SNCAIP: variants seen among roughly 807,000 people sequenced by gnomAD.
SNCAIP encodes synuclein alpha interacting protein.
In SNCAIP, 43 loss-of-function variants were observed where a neutral mutation model predicts 86.7. That is an observed-to-expected ratio of 0.50 (90% CI 0.39 to 0.64). The LOEUF is 0.64. Among genes scored for constraint, SNCAIP ranks in the 30% least tolerant of loss-of-function variants. The pLI, the probability that SNCAIP is intolerant of heterozygous loss-of-function variation, is 0.00. For missense variants in SNCAIP, 981 were observed against 1,103.1 expected, an observed-to-expected ratio of 0.89 and a Z score of 1.57; for synonymous variants, 417 against 427.2, an observed-to-expected ratio of 0.98 and a Z score of 0.29.
At chr5:122,347,075 C>G (rs1758755968) in intron 1 of SNCAIP, among the ~76,000 whole-genome samples, 1 of 151,946 alleles carries the variant, frequency 6.6e-6, no homozygotes, top group Admixed American at 6.6e-5. Context: ...TGTGAGTGAG[C>G]TAATCTTTAT....
In SNCAIP at chr5:122,413,648, ACTGT is replaced by A. The variant is rs375183003; in HGVS notation, c.131-9217_131-9214del. On this transcript the variant is annotated intron_variant, in intron 3 of 10. Transcript: ENST00000261368. ...CAATATATATTTGTTGAATGAATGA[ACTGT>A]CTAAGAGTACCATAGCATTCTGCCA... is the stretch of plus-strand genomic sequence containing the variant. 9.1e-3 allele frequency among the ~76,000 whole-genome samples: 1,380 copies of A among 152,234 alleles called. 24 individuals carry two copies. The highest frequency in any genetic ancestry group is 0.032 in the African/African-American group (1,311 of 41,538).
chr5:122,384,428 T>C (rs952930799), intron 1 of SNCAIP, among the ~76,000 whole-genome samples: 2 of 152,300 alleles, frequency 1.3e-5, no homozygotes, highest in Non-Finnish European at 1.5e-5. Flanking sequence ...TGCTTTACCT[T>C]GTCATTTTGG....
rs1483050531 is a variant in SNCAIP at position 122,399,266 on chromosome 5, C to T, written c.58-4527C>T. The stretch of plus-strand genomic sequence containing the variant: ...ACATTTACTAGAGCTTTACAGTTTG[C>T]AAAATGACTGCATCTATGTTATCTC... On this transcript the variant is annotated intron_variant, in intron 2 of 10. Coordinates refer to ENST00000261368, the MANE Select transcript of SNCAIP (RefSeq NM_005460.4). Among the ~76,000 whole-genome samples, 5 of 152,028 alleles carry T rather than the reference C, an allele frequency of 3.3e-5. No homozygotes were observed. In the East Asian group the frequency reaches 5.8e-4, roughly 18 times the overall value.
chr5:122,333,658 C>T (rs1332742070), intron 1 of SNCAIP, among the ~76,000 whole-genome samples: 2 of 152,212 alleles, frequency 1.3e-5, no homozygotes, highest in Admixed American at 6.5e-5. Context: ...ATCTTATATT[C>T]TGATTGTTCT....
intron 10 of SNCAIP, among the ~76,000 whole-genome samples, chr5:122,461,140 CT>C (rs1021841245): frequency 6.6e-6 from 1 of 152,162 alleles, no homozygotes; most frequent in African/African-American, 2.4e-5. Flanking sequence ...GTATAGGATT[CT>C]AGGTGGGAAA....
At chr5:122,384,466 A>G (rs1767664587) in intron 1 of SNCAIP, among the ~76,000 whole-genome samples, 1 of 152,174 alleles carries the variant, frequency 6.6e-6, no homozygotes, top group South Asian at 2.1e-4. Context: ...GAAAAATACT[A>G]GACTTAAAAT....
rs1234876161 is a variant in SNCAIP, at chr5:122,322,651, GT to G, written c.-47+10368del. ...ACTATGTTTTAGGAGGATGAATGAA[GT>G]CTAGAAAATGTTTTAAACAATTCCT... is the stretch of plus-strand genomic sequence containing the variant. On this transcript the variant is annotated intron_variant, in intron 1 of 10. Coordinates refer to ENST00000261368, the MANE Select transcript of SNCAIP (RefSeq NM_005460.4). 9.2e-5 allele frequency among the ~76,000 whole-genome samples: 14 copies of G among 152,326 alleles called. No homozygotes were observed. In the South Asian group the frequency reaches 1.7e-3, roughly 18 times the overall value.
At chr5:122,442,751 A>G (rs137865233) in intron 7 of SNCAIP, among the ~76,000 whole-genome samples, 13 of 152,332 alleles carry the variant, frequency 8.5e-5, no homozygotes, top group Non-Finnish European at 1.8e-4. Flanking sequence ...GTGAGATTTT[A>G]GTTATTTTTC....
In SNCAIP at chr5:122,388,155, A is replaced by G. The variant is rs567381761; in HGVS notation, c.-46-2934A>G. Among the ~76,000 whole-genome samples, 114 of 152,348 alleles carry G rather than the reference A, an allele frequency of 7.5e-4. 1 individual carries two copies. The Middle Eastern group carries it at 0.031, about 41-fold the overall frequency. On this transcript the variant is annotated intron_variant, in intron 1 of 10. Transcript: ENST00000261368. ...GGCTTAGCTCCAGCTAGTTGTTGCC[A>G]TGGGGACTGCAGACCCCTGTTGCCA...
At chr5:122,440,799 A>G (rs1322461039) in intron 7 of SNCAIP, 45 bp downstream of exon 7, 10 of 1,567,208 alleles carry the variant, frequency 6.4e-6, no homozygotes, top group Non-Finnish European at 8.8e-6. Flanking sequence ...AGTATATCAA[A>G]TATTAAACAA....
At chr5:122,422,239 C>T (rs1388995087) in intron 3 of SNCAIP, among the ~76,000 whole-genome samples, 1 of 152,128 alleles carries the variant, frequency 6.6e-6, no homozygotes. Context: ...GGGGTTAACT[C>T]AACTATGTCT....
At chr5:122,415,881 G>A (rs1432129949) in intron 3 of SNCAIP, among the ~76,000 whole-genome samples, 1 of 152,174 alleles carries the variant, frequency 6.6e-6, no homozygotes, top group Non-Finnish European at 1.5e-5. Context: ...AATGGACCTG[G>A]AATGAACACA....
intron 8 of SNCAIP, chr5:122,445,054 A>C (rs966584163): frequency 2.3e-5 from 9 of 389,196 alleles, no homozygotes; most frequent in Non-Finnish European, 3.9e-5. Context: ...GGAAGCACTC[A>C]TAGGCATCAT....
At chr5:122,458,223 A>G (rs1485006746) in intron 10 of SNCAIP, among the ~76,000 whole-genome samples, 1 of 152,180 alleles carries the variant, frequency 6.6e-6, no homozygotes, top group East Asian at 1.9e-4. Flanking sequence ...CCATGAACCA[A>G]CAGTAGGAAG....
chr5:122,398,226 A>G (rs984391069), intron 2 of SNCAIP, among the ~76,000 whole-genome samples: 1 of 152,156 alleles, frequency 6.6e-6, no homozygotes, highest in Non-Finnish European at 1.5e-5. Context: ...GAGAAAGCCA[A>G]CGCTGAGAGT....
chr5:122,439,376 C>T (rs1780278352), intron 6 of SNCAIP, among the ~76,000 whole-genome samples: 1 of 152,162 alleles, frequency 6.6e-6, no homozygotes, highest in African/African-American at 2.4e-5. Flanking sequence ...TCTTAGAAGG[C>T]TGTAGGCATA....
At chr5:122,420,973 C>T (rs1177250504) in intron 3 of SNCAIP, among the ~76,000 whole-genome samples, 1 of 152,206 alleles carries the variant, frequency 6.6e-6, no homozygotes, top group African/African-American at 2.4e-5. Flanking sequence ...GAAGGATGCA[C>T]TTTGTGCATT....
intron 3 of SNCAIP, among the ~76,000 whole-genome samples, chr5:122,407,256 C>T (rs915279403): frequency 5.9e-5 from 9 of 152,104 alleles, no homozygotes; most frequent in African/African-American, 2.2e-4. Flanking sequence ...TATTAGAAGG[C>T]TCCAGCCACG....
intron 1 of SNCAIP, among the ~76,000 whole-genome samples, chr5:122,313,370 T>G (rs1256113792): frequency 2.0e-5 from 3 of 152,196 alleles, no homozygotes; most frequent in Non-Finnish European, 4.4e-5. Context: ...CAGGGTGCAG[T>G]TTGCAAAATG....
Sources: gnomAD v4.1 joint callset for allele counts (sites outside exome capture counted in the v4.1 genomes callset) on GRCh38, gnomAD v4.1.1 for gene constraint, MANE v1.5 for transcripts, NCBI Gene and HGNC (gene_info 2026-07-23, HGNC 2026-07-21) for gene names.